NID1: variants seen among roughly 807,000 people sequenced by gnomAD.
NID1 encodes nidogen 1.
NID1 carries 76 observed loss-of-function variants against 130.6 expected under a neutral mutation model. The observed-to-expected ratio is 0.58, with a 90% CI of 0.48 to 0.70. NID1 has a LOEUF of 0.70. NID1 is among the 30% of genes least tolerant of loss of function. The pLI is 0.00. For synonymous variants in NID1, 665 were observed against 675.1 expected, an observed-to-expected ratio of 0.98 and a Z score of 0.23; for missense variants, 1,517 against 1,664.8, an observed-to-expected ratio of 0.91 and a Z score of 1.54.
intron 3 of NID1, 89 bp downstream of exon 3, chr1:236,045,368 T>C: frequency 1.1e-6 from 1 of 911,488 alleles, no homozygotes; most frequent in Non-Finnish European, 1.7e-6. Context: ...CATAGGAACA[T>C]TTTTAGGTAA....
chr1:236,051,737 G>T (rs964086501), intron 1 of NID1, among the ~76,000 whole-genome samples: 2 of 152,190 alleles, frequency 1.3e-5, no homozygotes, highest in East Asian at 1.9e-4. Context: ...CTCTCGAGCC[G>T]CCAGAAGTTG....
In NID1 at chr1:236,042,042, G is replaced by A. The variant is rs767455965; in HGVS notation, c.1003C>T (p.Arg335Cys). Residue 335 changes from arginine to cysteine, a missense_variant, in exon 4 of 20, where the codon CGC becomes TGC. Transcript: ENST00000264187. ...AGGGGCCTTTCGGTAGCTGCCCGGC[G>A]CGGGGAGAGGACGCTGGGCACACTG... ...TYSVPSVLSP[R>C]RAATERPLGP... The A allele has an allele frequency of 8.7e-5, 140 of 1,614,056 alleles. No individual in the cohort carries two copies. Among genetic ancestry groups the A allele is most frequent in the Non-Finnish European group, 9.5e-5 (112 of 1,180,050 alleles).
intron 1 of NID1, among the ~76,000 whole-genome samples, chr1:236,059,568 C>T (rs1659986275): frequency 6.6e-6 from 1 of 152,120 alleles, no homozygotes. Context: ...ACTAGAAGTG[C>T]CAGAACAGAA....
chr1:236,032,524 C>A lies in NID1; in HGVS notation c.1414G>T (p.Ala472Ser). 1 of 1,614,162 alleles carries A rather than the reference C, an allele frequency of 6.2e-7. No homozygotes were observed. The highest frequency in any genetic ancestry group is 8.5e-7 in the Non-Finnish European group (1 of 1,180,042). ...ACGGTCTCGGGAATGGTGCTGATGGCTGTGTAGGAGCGCCCGTGGTTCATT... is the reference window on the plus strand; with the variant it reads ...ACGGTCTCGGGAATGGTGCTGATGGATGTGTAGGAGCGCCCGTGGTTCATT... ...VVMNHGRSYT[A>S]ISTIPETVGY... The change falls in exon 6 of 20, where the codon GCC becomes TCC. Residue 472 changes from alanine (A) to serine (S), a missense_variant. This residue lies in a region of NID1 where 1,329 missense variants were observed against 1,429.2 expected (regional missense o/e 0.93). Transcript: ENST00000264187.
chr1:236,052,433 T>C (rs1659786481), intron 1 of NID1, among the ~76,000 whole-genome samples: 1 of 152,200 alleles, frequency 6.6e-6, no homozygotes, highest in Non-Finnish European at 1.5e-5. Context: ...TGACCACTGA[T>C]GCCCAGGCCA....
chr1:235,993,589 C>T, intron 13 of NID1, 56 bp downstream of exon 13: 17 of 1,394,568 alleles, frequency 1.2e-5, no homozygotes, highest in East Asian at 2.5e-5. Flanking sequence ...TCAGCAATTC[C>T]GGTCCCCCGA....
At chr1:236,053,419 C>T (rs1659816120) in intron 1 of NID1, among the ~76,000 whole-genome samples, 1 of 152,128 alleles carries the variant, frequency 6.6e-6, no homozygotes, top group Non-Finnish European at 1.5e-5. Context: ...CTGTATATGG[C>T]ACTTTCTCCA....
chr1:235,982,703 A>T (rs1572575416), intron 15 of NID1, among the ~76,000 whole-genome samples: 1 of 151,980 alleles, frequency 6.6e-6, no homozygotes, highest in South Asian at 2.1e-4. Context: ...TAGTTTTTTT[A>T]AATTAATAAT....
intron 13 of NID1, among the ~76,000 whole-genome samples, chr1:235,992,296 C>A (rs1258689702): frequency 6.6e-6 from 1 of 152,202 alleles, no homozygotes; most frequent in Non-Finnish European, 1.5e-5. Context: ...TCTTTCATAT[C>A]TCTGAAATCC....
At chr1:236,064,736 C>T (rs112642160) in intron 1 of NID1, 119 bp downstream of exon 1, 18 of 841,802 alleles carry the variant, frequency 2.1e-5, no homozygotes, top group Non-Finnish European at 3.2e-5. Context: ...GTGCCCGGTG[C>T]CCCGGCGGCC....
intron 6 of NID1, among the ~76,000 whole-genome samples, chr1:236,030,500 T>C (rs1168051741): frequency 6.6e-6 from 1 of 152,246 alleles, no homozygotes; most frequent in African/African-American, 2.4e-5. Context: ...TTTCATGGTA[T>C]GTGAAAATTA....
intron 2 of NID1, among the ~76,000 whole-genome samples, chr1:236,048,153 G>A (rs1659662909): frequency 1.3e-5 from 2 of 150,346 alleles, no homozygotes; most frequent in African/African-American, 4.9e-5. Context: ...CTAACATGGT[G>A]AAACCCTGTC....
At chr1:235,989,368 T>C (rs1480621163) in intron 14 of NID1, among the ~76,000 whole-genome samples, 5 of 152,254 alleles carry the variant, frequency 3.3e-5, no homozygotes, top group African/African-American at 9.6e-5. Context: ...CCATTCCTAT[T>C]ACCTGAGAGC....
intron 12 of NID1, among the ~76,000 whole-genome samples, chr1:235,994,231 C>T (rs886475520): frequency 1.3e-5 from 2 of 152,192 alleles, no homozygotes; most frequent in African/African-American, 4.8e-5. Context: ...GGCACGATCT[C>T]GGCTCACTGC....
At position 236,037,385 on chromosome 1, in the gene NID1, C is replaced by T. The variant is rs1460856382; in HGVS notation, c.1285+719G>A. Among the ~76,000 whole-genome samples, 4 of 152,276 alleles carry T rather than the reference C, an allele frequency of 2.6e-5. No individual in the cohort carries two copies. The East Asian group carries it at 5.8e-4, about 22-fold the overall frequency. ...CCATTAAGATAGGTCTGGCTGGGCG[C>T]GCTGGCTCACACCTGTAATCCCAAC... On this transcript the variant is annotated intron_variant, in intron 5 of 19. Coordinates refer to ENST00000264187, the MANE Select transcript of NID1 (RefSeq NM_002508.3).
intron 1 of NID1, among the ~76,000 whole-genome samples, chr1:236,056,903 C>G (rs112960628): frequency 7.4e-6 from 1 of 135,802 alleles, no homozygotes; most frequent in Admixed American, 6.9e-5. Context: ...AAAAAAAAAA[C>G]AAAAACATGA....
In NID1 at chr1:236,064,856, T is replaced by C. The variant is rs1192894697; in HGVS notation, c.224A>G (p.Tyr75Cys). The C allele has an allele frequency of 1.2e-6, 2 of 1,610,462 alleles. No homozygotes were observed. The highest frequency in any genetic ancestry group is 1.7e-6 in the Non-Finnish European group (2 of 1,178,746). ...CCCGCCCTCCCGGGGCTCACTCACG[T>C]AGACTGCGTCGATGTCGGATCTGTC... ...FYDRSDIDAV[Y>C]VTTNGIIATS... Residue 75 changes from tyrosine (Y) to cysteine (C), a missense_variant and splice_region_variant, in exon 1 of 20, where the codon TAC becomes TGC. Coordinates refer to ENST00000264187, the MANE Select transcript of NID1 (RefSeq NM_002508.3).
At chr1:236,064,298 C>G (rs1190722219) in intron 1 of NID1, among the ~76,000 whole-genome samples, 1 of 152,198 alleles carries the variant, frequency 6.6e-6, no homozygotes, top group African/African-American at 2.4e-5. Flanking sequence ...CCGCTCTGGA[C>G]TCTGGACTCT....
At chr1:236,043,565 G>A (rs988745810) in intron 3 of NID1, among the ~76,000 whole-genome samples, 5 of 152,122 alleles carry the variant, frequency 3.3e-5, no homozygotes, top group Admixed American at 6.6e-5. Context: ...TTGGGGGGCT[G>A]AGGAGGGCAG....
Sources: allele counts gnomAD v4.1 joint callset (sites outside exome capture counted in the v4.1 genomes callset), GRCh38; gene constraint gnomAD v4.1.1; regional missense constraint gnomAD v4.1.1; transcripts MANE v1.5; gene names NCBI Gene and HGNC (gene_info 2026-07-23, HGNC 2026-07-21).